CNBD2: variants seen among roughly 807,000 people sequenced by gnomAD.
CNBD2 encodes the protein cyclic nucleotide-binding domain-containing protein 2.
Under a neutral mutation model 63.7 loss-of-function variants are expected in CNBD2, and 64 were observed. The ratio of observed to expected loss-of-function variants is 1.00; its 90% CI spans 0.82 to 1.24. The LOEUF (loss-of-function observed/expected upper bound fraction) is 1.24, where lower values mean the gene tolerates loss of function less well. Ranked by LOEUF, CNBD2 falls within the 50% of genes most tolerant of loss-of-function variation. The pLI is 0.00. For missense variants in CNBD2, 691 were observed against 713.5 expected, an observed-to-expected ratio of 0.97 and a Z score of 0.36; for synonymous variants, 229 against 255.4, an observed-to-expected ratio of 0.90 and a Z score of 0.99.
At chr20:36,007,930 T>C (rs1675619752) in intron 8 of CNBD2, among the ~76,000 whole-genome samples, 1 of 152,182 alleles carries the variant, frequency 6.6e-6, no homozygotes, top group Non-Finnish European at 1.5e-5. Flanking sequence ...TGCCCCAATT[T>C]GAAAGCCCAG....
chr20:36,010,999 TTTTCTC>T, intron 9 of CNBD2, 132 bp from the exon 10 acceptor site: 1 of 918,188 alleles, frequency 1.1e-6, no homozygotes, highest in Non-Finnish European at 1.5e-6. Context: ...TGATTTTGAG[TTTTCTC>T]GCCTTCTGGG....
At chr20:36,001,103 A>G (rs1480541868) in intron 8 of CNBD2, among the ~76,000 whole-genome samples, 6 of 151,968 alleles carry the variant, frequency 3.9e-5, no homozygotes, top group South Asian at 2.1e-4. Flanking sequence ...TTTTCTTAGT[A>G]CAGAACAAAA....
chr20:35,960,869 T>TTCCTC (rs74173967), intron 2 of CNBD2, among the ~76,000 whole-genome samples: 1,714 of 146,064 alleles, frequency 0.012, 31 homozygotes, highest in Non-Finnish European at 0.019. Flanking sequence ...TTCTCTTCCT[T>TTCCTC]TCCTCTCCTC....
chr20:36,013,234 T>G (rs1447339133), intron 10 of CNBD2, among the ~76,000 whole-genome samples: 1 of 151,724 alleles, frequency 6.6e-6, no homozygotes, highest in Non-Finnish European at 1.5e-5. Context: ...CTGGCTAACA[T>G]GATGAAACCG....
In CNBD2 at chr20:36,028,494, C is replaced by T. The variant is rs565121586; in HGVS notation, c.1440-1863C>T. 3.9e-4 allele frequency among the ~76,000 whole-genome samples: 59 copies of T among 152,230 alleles called. No homozygotes were observed. In the South Asian group the frequency reaches 0.012, roughly 31 times the overall value. On this transcript the variant is annotated intron_variant, in intron 11 of 11. Transcript: ENST00000373973. ...GCAGAGGTACCTGTCCTGTGAATAG[C>T]GCAGGCTGGTTATCCTGAAAATCAC...
chr20:36,018,576 C>T (rs998054140), intron 10 of CNBD2, among the ~76,000 whole-genome samples: 4 of 152,184 alleles, frequency 2.6e-5, no homozygotes, highest in East Asian at 2.0e-4. Flanking sequence ...TGACTGAACC[C>T]GCCCCCTGGA....
At chr20:35,970,715 G>A (rs769362575) in intron 1 of CNBD2, among the ~76,000 whole-genome samples, 1 of 150,910 alleles carries the variant, frequency 6.6e-6, no homozygotes, top group Non-Finnish European at 1.5e-5. Flanking sequence ...TTGTTTGTTT[G>A]TTTCATTTTG....
At chr20:36,002,837 ATT>A (rs1167078459) in intron 8 of CNBD2, among the ~76,000 whole-genome samples, 2 of 152,028 alleles carry the variant, frequency 1.3e-5, no homozygotes, top group East Asian at 3.9e-4. Flanking sequence ...CAAAAAAATT[ATT>A]TGTCTCTCCC....
intron 5 of CNBD2, 54 bp from the exon 6 acceptor site, chr20:35,984,573 A>G (rs1290342257): frequency 1.3e-6 from 2 of 1,590,578 alleles, no homozygotes; most frequent in East Asian, 4.5e-5. Context: ...TGTAAGGCTG[A>G]GGACAGGAAG....
intron 4 of CNBD2, 34 bp downstream of exon 4, chr20:35,980,656 T>C: frequency 1.2e-6 from 2 of 1,608,636 alleles, no homozygotes; most frequent in Non-Finnish European, 1.7e-6. Context: ...GCCACCAGGC[T>C]GAGGCTGGAC....
At chr20:35,989,903 A>G (rs1190015429) in intron 7 of CNBD2, among the ~76,000 whole-genome samples, 99 of 116,018 alleles carry the variant, frequency 8.5e-4, no homozygotes, top group South Asian at 2.4e-3. Context: ...AGGGGAGGGG[A>G]GGGGAGGGGG....
Position 35,995,113 on chromosome 20 carries a change from G to T in CNBD2, c.931G>T (p.Glu311Ter), listed in dbSNP as rs1273530631. Reference protein sequence around the residue: ...SYRRWIWQHLELIDGRPLKTH... With the variant: ...SYRRWIWQHL ...CCGTAGATGGATCTGGCAGCACCTGGAGCTGATAGATGGCAGACCTCTGAA... is the reference window on the plus strand; with the variant it reads ...CCGTAGATGGATCTGGCAGCACCTGTAGCTGATAGATGGCAGACCTCTGAA... Residue 311 changes from glutamate (E) to a stop codon, truncating the protein, a stop_gained, in exon 8 of 12, where the codon GAG becomes TAG. Transcript: ENST00000373973. LOFTEE classifies it high-confidence loss of function. The T allele has an allele frequency of 6.2e-7, 1 of 1,614,044 alleles. No individual in the cohort carries two copies. Among genetic ancestry groups the T allele is most frequent in the Non-Finnish European group, 8.5e-7 (1 of 1,179,972 alleles).
chr20:35,958,604 CTT>C (rs1368098908), downstream of CNBD2, among the ~76,000 whole-genome samples: 1 of 152,144 alleles, frequency 6.6e-6, no homozygotes, highest in Non-Finnish European at 1.5e-5. Context: ...AATCCACAGA[CTT>C]TATTCACATT....
chr20:35,961,857 A>T (rs2056311315), intron 2 of CNBD2, among the ~76,000 whole-genome samples: 1 of 152,124 alleles, frequency 6.6e-6, no homozygotes, highest in South Asian at 2.1e-4. Context: ...GTAGGGCTAT[A>T]AAAATGGAAC....
intron 4 of CNBD2, among the ~76,000 whole-genome samples, chr20:35,981,982 A>C (rs539696582): frequency 2.0e-5 from 3 of 152,280 alleles, no homozygotes; most frequent in African/African-American, 7.2e-5. Context: ...AGGAAGTAGG[A>C]TCTGAGTTCC....
intron 10 of CNBD2, among the ~76,000 whole-genome samples, chr20:36,019,160 C>A (rs2057173625): frequency 6.6e-6 from 1 of 151,768 alleles, no homozygotes; most frequent in Non-Finnish European, 1.5e-5. Flanking sequence ...TGGGGAGGTT[C>A]TTAAATGGGG....
chr20:36,004,459 C>G (rs2035763313), intron 8 of CNBD2, among the ~76,000 whole-genome samples: 1 of 152,174 alleles, frequency 6.6e-6, no homozygotes, highest in Admixed American at 6.6e-5. Context: ...CCTCCCTGCA[C>G]CATGGCCCAG....
At chr20:35,993,321 A>C (rs1326333603) in intron 7 of CNBD2, among the ~76,000 whole-genome samples, 1 of 152,136 alleles carries the variant, frequency 6.6e-6, no homozygotes, top group Non-Finnish European at 1.5e-5. Flanking sequence ...CCCCCCACAA[A>C]GCTTAATACT....
At chr20:36,003,398 G>A (rs1183440653) in intron 8 of CNBD2, among the ~76,000 whole-genome samples, 5 of 151,994 alleles carry the variant, frequency 3.3e-5, no homozygotes, top group African/African-American at 7.2e-5. Context: ...ATTTCTGAAC[G>A]TTAAGATGTA....
Sources: gnomAD v4.1 joint callset for allele counts (sites outside exome capture counted in the v4.1 genomes callset) on GRCh38, gnomAD v4.1.1 for gene constraint, MANE v1.5 for transcripts, NCBI Gene and HGNC (gene_info 2026-07-23, HGNC 2026-07-21) for gene names.